RBPJ: variants seen among roughly 807,000 people sequenced by gnomAD.
RBPJ encodes the protein recombination signal binding protein for immunoglobulin kappa J region.
RBPJ carries 9 observed loss-of-function variants against 67.8 expected under a neutral mutation model. That is an observed-to-expected ratio of 0.13 (90% CI 0.08 to 0.23). The LOEUF (loss-of-function observed/expected upper bound fraction) is 0.23, where lower values mean the gene tolerates loss of function less well. Among genes scored for constraint, RBPJ ranks in the 10% least tolerant of loss-of-function variants. The probability of loss-of-function intolerance (pLI) is 1.00; values close to 1 mark genes in which losing one functional copy is unlikely to be tolerated. For missense variants in RBPJ, 305 were observed against 595.6 expected (o/e 0.51, Z 5.08); for synonymous variants, 198 against 203.3 (o/e 0.97, Z 0.22).
chr4:26,274,246 G>A (rs183295105), intron 1 of RBPJ, among the ~76,000 whole-genome samples: 17 of 152,258 alleles, frequency 1.1e-4, no homozygotes, highest in Admixed American at 2.0e-4. Context: ...CATAGTAGGC[G>A]CTCGATAAGT....
chr4:26,123,403 T>G, the RBPJ span, among the ~76,000 whole-genome samples: 1 of 152,234 alleles, frequency 6.6e-6, no homozygotes, highest in Non-Finnish European at 1.5e-5. Context: ...TGGGTGAGTC[T>G]GAATAGGTGG....
At chr4:26,260,179 C>G (rs929251428) in intron 1 of RBPJ, among the ~76,000 whole-genome samples, 8 of 152,238 alleles carry the variant, frequency 5.3e-5, no homozygotes, top group South Asian at 2.1e-4. Flanking sequence ...TCTTGTGGAA[C>G]AAAGCATGGA....
the RBPJ span, among the ~76,000 whole-genome samples, chr4:26,140,866 T>TAAATAAATAAATAAAA: frequency 4.0e-5 from 6 of 151,422 alleles, no homozygotes; most frequent in South Asian, 6.2e-4. Context: ...AATAAATAAA[T>TAAATAAATAAATAAAA]AAAATATTTG....
At chr4:26,170,542 TAAA>T (rs147313399) in intron 1 of RBPJ, among the ~76,000 whole-genome samples, 3 of 125,698 alleles carry the variant, frequency 2.4e-5, no homozygotes, top group African/African-American at 3.3e-5. Context: ...AGGCCCTGTC[TAAA>T]AAAAAAAAAA....
chr4:26,160,078 C>A (rs955031177), upstream of RBPJ, among the ~76,000 whole-genome samples: 2 of 152,142 alleles, frequency 1.3e-5, no homozygotes, highest in Non-Finnish European at 2.9e-5. Context: ...GCCACCGTGC[C>A]CGGCTAATTT....
the RBPJ span, among the ~76,000 whole-genome samples, chr4:26,132,291 G>A: frequency 6.6e-6 from 1 of 152,080 alleles, no homozygotes; most frequent in East Asian, 1.9e-4. Flanking sequence ...GGCACTCAAG[G>A]ACCCTTGGGC....
At chr4:26,364,799 G>C (rs1728457765) in intron 1 of RBPJ, among the ~76,000 whole-genome samples, 1 of 151,366 alleles carries the variant, frequency 6.6e-6, no homozygotes, top group South Asian at 2.1e-4. Context: ...CTAATTTTTT[G>C]TATTTTTAGT....
chr4:26,320,911 G>A, upstream of RBPJ: 1 of 1,598,858 alleles, frequency 6.3e-7, no homozygotes, highest in Non-Finnish European at 8.5e-7. Flanking sequence ...GAAAGGGAGC[G>A]CGGGGGCTGG....
At chr4:26,313,365 C>T (rs1007581867) in intron 1 of RBPJ, among the ~76,000 whole-genome samples, 4 of 152,058 alleles carry the variant, frequency 2.6e-5, no homozygotes, top group Non-Finnish European at 5.9e-5. Flanking sequence ...AACGCCATCT[C>T]TACTAAAAAT....
At chr4:26,132,484 C>G in the RBPJ span, among the ~76,000 whole-genome samples, 2 of 148,996 alleles carry the variant, frequency 1.3e-5, no homozygotes, top group Non-Finnish European at 3.0e-5. Flanking sequence ...CTGCTCCTTC[C>G]AGAGCTGTCT....
chr4:26,198,875 A>G (rs1317943365), intron 1 of RBPJ, among the ~76,000 whole-genome samples: 2 of 152,246 alleles, frequency 1.3e-5, no homozygotes, highest in Non-Finnish European at 2.9e-5. Flanking sequence ...TTGCAGGATC[A>G]TAACCACAGC....
intron 1 of RBPJ, among the ~76,000 whole-genome samples, chr4:26,322,530 T>G (rs986479524): frequency 9.2e-5 from 14 of 152,210 alleles, no homozygotes; most frequent in Non-Finnish European, 1.8e-4. Flanking sequence ...ACAACCCTTC[T>G]GTCCCATCAT....
At chr4:26,236,576 A>T (rs1230677407) in intron 1 of RBPJ, among the ~76,000 whole-genome samples, 1 of 152,154 alleles carries the variant, frequency 6.6e-6, no homozygotes, top group Non-Finnish European at 1.5e-5. Context: ...GTACTGCTTG[A>T]GTGTCTTGGC....
intron 1 of RBPJ, among the ~76,000 whole-genome samples, chr4:26,200,657 T>A (rs1411578348): frequency 1.4e-5 from 2 of 143,254 alleles, no homozygotes; most frequent in Non-Finnish European, 3.1e-5. Flanking sequence ...AAACTTTCTA[T>A]CTGAAAAAAA....
chr4:26,210,975 T>G (rs1718402538), intron 1 of RBPJ, among the ~76,000 whole-genome samples: 1 of 151,938 alleles, frequency 6.6e-6, no homozygotes, highest in African/African-American at 2.4e-5. Flanking sequence ...ATAAGCTTCT[T>G]GTAAGCAGAA....
chr4:26,185,695 C>G (rs1028728058), intron 1 of RBPJ, among the ~76,000 whole-genome samples: 1 of 152,200 alleles, frequency 6.6e-6, no homozygotes, highest in African/African-American at 2.4e-5. Flanking sequence ...CATCTCAATT[C>G]TGTACTAGAT....
chr4:26,212,525 C>A (rs1317638429), intron 1 of RBPJ, among the ~76,000 whole-genome samples: 2 of 150,278 alleles, frequency 1.3e-5, no homozygotes, highest in Non-Finnish European at 3.0e-5. Flanking sequence ...CAACTTCCAC[C>A]TCCCAGGTTC....
chr4:26,167,256 G>A (rs1716355041), intron 1 of RBPJ, among the ~76,000 whole-genome samples: 1 of 152,184 alleles, frequency 6.6e-6, no homozygotes. Context: ...TGTGAAGAAA[G>A]TCATTGGTAG....
chr4:26,313,297 C>T (rs146474337), intron 1 of RBPJ, among the ~76,000 whole-genome samples: 171 of 152,032 alleles, frequency 1.1e-3, no homozygotes, highest in African/African-American at 3.4e-3. Context: ...TTTGGGAGGC[C>T]GAGGTGGGCG....
Sources: allele counts gnomAD v4.1 joint callset (sites outside exome capture counted in the v4.1 genomes callset), GRCh38; gene constraint gnomAD v4.1.1; transcripts MANE v1.5; gene names NCBI Gene and HGNC (gene_info 2026-07-23, HGNC 2026-07-21).